The following XAB2 variants were observed in gnomAD, a reference collection of about 807,000 sequenced individuals.
The protein encoded by XAB2 is pre-mRNA-splicing factor SYF1.
XAB2 carries 57 observed loss-of-function variants against 113.4 expected under a neutral mutation model. The observed-to-expected ratio is 0.50, with a 90% CI of 0.41 to 0.63. The LOEUF is 0.63. XAB2 is among the 20% of genes least tolerant of loss of function. The pLI is 0.00. For missense variants in XAB2, 1,037 were observed against 1,233.3 expected, an observed-to-expected ratio of 0.84 and a Z score of 2.38; for synonymous variants, 497 against 498.8, an observed-to-expected ratio of 1.00 and a Z score of 0.05.
In XAB2 at chr19:7,620,367, C is replaced by T. The variant is rs1452503651; in HGVS notation, c.2174G>A (p.Arg725His). ...CGTGGCCTGCACGCTGCGCCGGATA[C>T]GCAGCATTTCCTTGATGGTGTCCTC... ...GNEDTIKEML[R>H]IRRSVQATYN... is the part of the protein sequence containing the mutation. Residue 725 changes from arginine to histidine, a missense_variant, in exon 16 of 19, where the codon CGT becomes CAT. By Grantham distance (29) the Arg-to-His change is conservative (BLOSUM62 0). Transcript: ENST00000358368. 1.9e-6 allele frequency: 3 copies of T among 1,613,188 alleles called. No individual in the cohort carries two copies. Among genetic ancestry groups the T allele is most frequent in the East Asian group, 2.2e-5 (1 of 44,882 alleles).
chr19:7,626,355 C>T, intron 4 of XAB2, 85 bp from the exon 5 acceptor site: 1 of 1,549,514 alleles, frequency 6.5e-7, no homozygotes, highest in Non-Finnish European at 8.7e-7. Context: ...GGGCGTCCCC[C>T]CCCACCCATT....
chr19:7,621,311 G>C lies in XAB2; in HGVS notation c.1618-14C>G. On this transcript the variant is annotated splice_polypyrimidine_tract_variant and intron_variant, in intron 12 of 18. Coordinates refer to ENST00000358368, the MANE Select transcript of XAB2 (RefSeq NM_020196.3). ...GCGCTCGTACGCCTGTTACCAGAGG[G>C]AGAGTCACATGTGAGAGTCTGCAGA... The C allele has an allele frequency of 6.2e-7, 1 of 1,611,036 alleles. No individual in the cohort carries two copies. Among genetic ancestry groups the C allele is most frequent in the Non-Finnish European group, 8.5e-7 (1 of 1,178,636 alleles).
chr19:7,627,626 G>C lies in XAB2; in HGVS notation c.324+102C>G. 6.4e-7 allele frequency: 1 copy of C among 1,557,478 alleles called. No homozygotes were observed. Among genetic ancestry groups the C allele is most frequent in the South Asian group, 1.2e-5 (1 of 84,302 alleles). On this transcript the variant is annotated intron_variant, in intron 3 of 18. Coordinates refer to ENST00000358368, the MANE Select transcript of XAB2 (RefSeq NM_020196.3). The surrounding 1 kb of genome is among the most constrained non-coding windows in gnomAD (Gnocchi z 4.5). Reference sequence around the variant, plus strand: ...ATGCAAAGAAGCAACAGGAATCCAAGCCCCCATCCCTAACATGCTGAGCCC... The same window carrying C: ...ATGCAAAGAAGCAACAGGAATCCAACCCCCCATCCCTAACATGCTGAGCCC...
chr19:7,622,342 C>T lies in XAB2; in HGVS notation c.1606G>A (p.Glu536Lys). Residue 536 changes from glutamate (E) to lysine (K), a missense_variant, in exon 12 of 19, where the codon GAG becomes AAG. Transcript: ENST00000358368. ...MFLEEHKYFE[E>K]SFKAYERGIS... ...CCCTAGCCCCTCACCTTGAAGCTCT[C>T]CTCGAAGTACTTGTGCTCCTCCAGG... is the stretch of plus-strand genomic sequence containing the variant. The T allele has an allele frequency of 1.2e-6, 2 of 1,614,136 alleles. No homozygotes were observed. Among genetic ancestry groups the T allele is most frequent in the Non-Finnish European group, 1.7e-6 (2 of 1,180,020 alleles).
Position 7,620,554 on chromosome 19 carries a change from T to C in XAB2, c.2087A>G (p.Asp696Gly). Reference protein sequence around the residue: ...AIYSFCSQICDPRTTGAFWQT... With the variant: ...AIYSFCSQICGPRTTGAFWQT... The stretch of plus-strand genomic sequence containing the variant: ...CCCTCCCCACAGCCCTACCCGGGGG[T>C]CACAGATCTGGGAGCAGAAGCTGTA... Residue 696 changes from aspartate to glycine, a missense_variant, in exon 15 of 19, where the codon GAC (aspartate) becomes GGC (glycine). By Grantham distance (94) the Asp-to-Gly change is moderately conservative (BLOSUM62 -1). Transcript: ENST00000358368. 1 of 1,612,938 alleles carries C rather than the reference T, an allele frequency of 6.2e-7. No homozygotes were observed. The highest frequency in any genetic ancestry group is 8.5e-7 in the Non-Finnish European group (1 of 1,179,852).
chr19:7,620,070 C>A lies in XAB2; in HGVS notation c.2272G>T (p.Asp758Tyr). 6.2e-7 allele frequency: 1 copy of A among 1,611,608 alleles called. No homozygotes were observed. The highest frequency in any genetic ancestry group is 1.1e-5 in the South Asian group (1 of 91,070). Residue 758 changes from aspartate to tyrosine, a missense_variant, in exon 17 of 19, where the codon GAC (aspartate) becomes TAC (tyrosine). Coordinates refer to ENST00000358368, the MANE Select transcript of XAB2 (RefSeq NM_020196.3). Reference protein sequence around the residue: ...VSGSATGTVSDLAPGQSGMDD... With the variant: ...VSGSATGTVSYLAPGQSGMDD... ...ATGCCACTCTGCCCAGGGGCCAGGT[C>A]AGACACTAGGGGGTGGGAGCAGGGG...
chr19:7,628,007 T>A lies in XAB2; in HGVS notation c.200+143A>T. On this transcript the variant is annotated intron_variant, in intron 2 of 18. Coordinates refer to ENST00000358368, the MANE Select transcript of XAB2 (RefSeq NM_020196.3). The surrounding 1 kb of genome is among the most constrained non-coding windows in gnomAD (Gnocchi z 4.6). ...GGACAGACTGGGACATCAGAGAAGG[T>A]GTGCTGACCCATCAAGGGATGTACA... is the stretch of plus-strand genomic sequence containing the variant. 2 of 1,453,368 alleles carry A rather than the reference T, an allele frequency of 1.4e-6. No homozygotes were observed. The highest frequency in any genetic ancestry group is 2.6e-5 in the South Asian group (2 of 77,068). 90.0% of individuals were successfully genotyped at this position (1,453,368 alleles called of 1,614,324 possible). A position where few individuals can be genotyped will look rare whatever the true frequency, so the allele number is the denominator to read the frequency against.
rs867882181 is a variant in XAB2 at position 7,619,843 on chromosome 19, G to A, written c.2410C>T (p.Arg804Trp). 12 of 1,612,364 alleles carry A rather than the reference G, an allele frequency of 7.4e-6. No individual in the cohort carries two copies. The highest frequency in any genetic ancestry group is 5.3e-5 in the African/African-American group (4 of 74,924). The part of the protein sequence containing the change: ...KILFVRSDAS[R>W]EELAELAQQV... ...TGTGCCAGCTCTGCCAGCTCCTCCCGGGAGGCGTCACTCCTAGGGACGGGC... is the reference window on the plus strand; with the variant it reads ...TGTGCCAGCTCTGCCAGCTCCTCCCAGGAGGCGTCACTCCTAGGGACGGGC... The change falls in exon 18 of 19, where the codon CGG (arginine) becomes TGG (tryptophan). Residue 804 changes from arginine to tryptophan, a missense_variant. Coordinates refer to ENST00000358368, the MANE Select transcript of XAB2 (RefSeq NM_020196.3).
At position 7,629,480 on chromosome 19, in the gene XAB2, G is replaced by A. The variant is rs762233879; in HGVS notation, c.48C>T (p.Val16=). 113 of 1,599,800 alleles carry A rather than the reference G, an allele frequency of 7.1e-5. No individual in the cohort carries two copies. Among genetic ancestry groups the A allele is most frequent in the Admixed American group, 8.6e-5 (5 of 58,122 alleles). The change falls in exon 1 of 19, where the codon GTC becomes GTT. Residue 16 remains valine (V), a synonymous_variant. Coordinates refer to ENST00000358368, the MANE Select transcript of XAB2 (RefSeq NM_020196.3). ...RLSRPERPDL[V]FEEEDLPYEE... ...CCCGGCTCCTCTGTGGACTCACGAA[G>A]ACAAGGTCCGGCCGCTCGGGCCGCG...
Position 7,628,809 on chromosome 19 carries a change from C to A in XAB2, c.52-511G>T, listed in dbSNP as rs1464321080. On this transcript the variant is annotated intron_variant, in intron 1 of 18. Coordinates refer to ENST00000358368, the MANE Select transcript of XAB2 (RefSeq NM_020196.3). This position sits in a 1 kb window ranked among gnomAD's most constrained non-coding sequence, Gnocchi z 4.6. ...GCTCTCAGGTCCAGATTCCAAGCCA[C>A]TAGCCCCGCCCCCAGGATCCCACTA... Among the ~76,000 whole-genome samples the A allele has an allele frequency of 6.6e-6, 1 of 152,216 alleles. No individual in the cohort carries two copies. Among genetic ancestry groups the A allele is most frequent in the African/African-American group, 2.4e-5 (1 of 41,448 alleles).
At chr19:7,621,099 G>GCCCCCCCCCC in intron 13 of XAB2, 36 bp downstream of exon 13, 2 of 766,054 alleles carry the variant, frequency 2.6e-6, no homozygotes, top group South Asian at 2.0e-5. Flanking sequence ...AACCCAGCCC[G>GCCCCCCCCCC]CCCGCCACCC....
chr19:7,629,504 C>T lies in XAB2; in HGVS notation c.24G>A (p.Ser8=), dbSNP rs777566368. The T allele has an allele frequency of 1.2e-6, 2 of 1,604,892 alleles. No individual in the cohort carries two copies. The highest frequency in any genetic ancestry group is 1.3e-5 in the African/African-American group (1 of 74,906). Residue 8 remains serine, a synonymous_variant, in exon 1 of 19, where the codon TCG becomes TCA. Coordinates refer to ENST00000358368, the MANE Select transcript of XAB2 (RefSeq NM_020196.3). ...AGACAAGGTCCGGCCGCTCGGGCCG[C>T]GAGAGTCGCGCCATCACCACCATTT... MVVMARL[S]RPERPDLVFE...
In XAB2 at chr19:7,621,631, G is replaced by A. The variant is rs2031036656; in HGVS notation, c.1618-334C>T. On this transcript the variant is annotated intron_variant, in intron 12 of 18. Coordinates refer to ENST00000358368, the MANE Select transcript of XAB2 (RefSeq NM_020196.3). ...AGAAGGCCGCACCCCCTGACAGAGG[G>A]GCAGGCAGTAGCACGCGTATGCATG... The A allele has an allele frequency of 1.9e-5, 7 of 368,894 alleles. No individual in the cohort carries two copies. In the Middle Eastern group the frequency reaches 3.6e-3, roughly 192 times the overall value. 22.9% of individuals were successfully genotyped at this position (368,894 alleles called of 1,614,324 possible).
chr19:7,620,090 C>G lies in XAB2; in HGVS notation c.2267-15G>C. 4.4e-6 allele frequency: 7 copies of G among 1,609,154 alleles called. No individual in the cohort carries two copies. The highest frequency in any genetic ancestry group is 1.7e-5 in the Admixed American group (1 of 59,964). The stretch of plus-strand genomic sequence containing the variant: ...CAGGTCAGACACTAGGGGGTGGGAG[C>G]AGGGGGTCAGCGCCACGGGGGCCCC... On this transcript the variant is annotated splice_polypyrimidine_tract_variant and intron_variant, in intron 16 of 18. Coordinates refer to ENST00000358368, the MANE Select transcript of XAB2 (RefSeq NM_020196.3).
chr19:7,627,426 C>T lies in XAB2; in HGVS notation c.339G>A (p.Trp113Ter), dbSNP rs1463257553. 6.2e-7 allele frequency: 1 copy of T among 1,605,036 alleles called. No individual in the cohort carries two copies. Among genetic ancestry groups the T allele is most frequent in the Non-Finnish European group, 8.5e-7 (1 of 1,176,910 alleles). ...CCATGAGGAACTGGCAGTAATCTAG[C>T]CACAGACGAGGCATCTGGGGGTGTG... ...FVFMHKMPRL[W>*]LDYCQFLMDQ... The change falls in exon 4 of 19, where the codon TGG becomes TGA. Residue 113 changes from tryptophan (W) to a stop codon, truncating the protein, a stop_gained. Transcript: ENST00000358368. LOFTEE classifies it high-confidence loss of function. This position sits in a 1 kb window ranked among gnomAD's most constrained non-coding sequence, Gnocchi z 4.5.
chr19:7,623,016 GCACA>G lies in XAB2; in HGVS notation c.1240-127_1240-124del. 1 of 1,539,194 alleles carries G rather than the reference GCACA, an allele frequency of 6.5e-7. No individual in the cohort carries two copies. Among genetic ancestry groups the G allele is most frequent in the South Asian group, 1.2e-5 (1 of 82,790 alleles). ...CACAAACACACAGGCACACACACAGGCACACACATGCGTGCACATATGCATGCAC... is the reference window on the plus strand; with the variant it reads ...CACAAACACACAGGCACACACACAGGCACATGCGTGCACATATGCATGCAC... On this transcript the variant is annotated intron_variant, in intron 9 of 18. Coordinates refer to ENST00000358368, the MANE Select transcript of XAB2 (RefSeq NM_020196.3). The surrounding 1 kb of genome is among the most constrained non-coding windows in gnomAD (Gnocchi z 4.6).
At position 7,628,840 on chromosome 19, in the gene XAB2, C is replaced by T. The variant is rs1315741106; in HGVS notation, c.52-542G>A. 6.6e-6 allele frequency among the ~76,000 whole-genome samples: 1 copy of T among 152,228 alleles called. No individual in the cohort carries two copies. On this transcript the variant is annotated intron_variant, in intron 1 of 18. Coordinates refer to ENST00000358368, the MANE Select transcript of XAB2 (RefSeq NM_020196.3). This position sits in a 1 kb window ranked among gnomAD's most constrained non-coding sequence, Gnocchi z 4.6. The stretch of plus-strand genomic sequence containing the variant: ...CCGCCCCCAGGATCCCACTAGCCAG[C>T]GTCTAGCTCAACTCTGCCCCAGAAA...
intron 13 of XAB2, 33 bp downstream of exon 13, chr19:7,621,102 C>T (rs775839135): frequency 2.3e-5 from 34 of 1,510,536 alleles, no homozygotes; most frequent in Non-Finnish European, 2.5e-5. Flanking sequence ...CCAGCCCGCC[C>T]GCCACCCCCC....
chr19:7,624,024 C>CCCGAG lies in XAB2; in HGVS notation c.968-143_968-142insCTCGG. The CCCGAG allele has an allele frequency of 1.8e-6, 2 of 1,118,526 alleles. No homozygotes were observed. Among genetic ancestry groups the CCCGAG allele is most frequent in the Non-Finnish European group, 1.2e-6 (1 of 807,164 alleles). The allele number at this position is 1,118,526 out of a possible 1,614,324, so 69.3% of individuals were successfully genotyped here. ...CCTAGACACTCAGCTCGGGTGTCCA[C>CCCGAG]CTGAGCCCCACCCCCAGCCCCAGGT... On this transcript the variant is annotated intron_variant, in intron 7 of 18. Coordinates refer to ENST00000358368, the MANE Select transcript of XAB2 (RefSeq NM_020196.3). The surrounding 1 kb of genome is among the most constrained non-coding windows in gnomAD (Gnocchi z 4.2).
Sources: gnomAD v4.1 joint callset for allele counts (sites outside exome capture counted in the v4.1 genomes callset) on GRCh38, gnomAD v4.1.1 for gene constraint, Gnocchi (gnomAD v3.1) non-coding constraint, MANE v1.5 for transcripts, NCBI Gene and HGNC (gene_info 2026-07-23, HGNC 2026-07-21) for gene names.